SLTM: variants seen among roughly 807,000 people sequenced by gnomAD.
SLTM encodes SAFB like transcription modulator.
SLTM carries 43 observed loss-of-function variants against 134.6 expected under a neutral mutation model. The ratio of observed to expected loss-of-function variants is 0.32; its 90% CI spans 0.25 to 0.41. The LOEUF (loss-of-function observed/expected upper bound fraction) is 0.41. SLTM is among the 10% of genes least tolerant of loss of function. The pLI, the probability that SLTM is intolerant of heterozygous loss-of-function variation, is 1.00. For missense variants in SLTM, 1,055 were observed against 1,288.8 expected, an observed-to-expected ratio of 0.82 and a Z score of 2.78; for synonymous variants, 424 against 432.3, an observed-to-expected ratio of 0.98 and a Z score of 0.24.
rs2034562192 is a variant in SLTM at position 58,890,432 on chromosome 15, C to G, written c.1928G>C (p.Arg643Pro). Residue 643 changes from arginine to proline, a missense_variant, in exon 15 of 21, where the codon CGA (arginine) becomes CCA (proline). Around this residue, in one of 3 missense-constraint regions of SLTM, gnomAD observed 776 missense variants for 962.2 expected, o/e 0.81. Transcript: ENST00000380516. Reference sequence around the variant, plus strand: ...AATTATTCTAATGCGTTCTCGCTCTCGACGCTCTCTCTCTGCAATCTCTCT... The same window carrying G: ...AATTATTCTAATGCGTTCTCGCTCTGGACGCTCTCTCTCTGCAATCTCTCT... The part of the protein sequence containing the change: ...RRREIAERER[R>P]ERERIRIIRE... 6.2e-7 allele frequency: 1 copy of G among 1,613,864 alleles called. No homozygotes were observed. Among genetic ancestry groups the G allele is most frequent in the Non-Finnish European group, 8.5e-7 (1 of 1,179,972 alleles).
In SLTM at chr15:58,933,655, G is replaced by A. The variant is rs895807887; in HGVS notation, c.-90C>T. The A allele has an allele frequency of 3.6e-6, 5 of 1,372,018 alleles. No individual in the cohort carries two copies. The highest frequency in any genetic ancestry group is 4.7e-6 in the Non-Finnish European group (5 of 1,067,770). 85.0% of individuals were successfully genotyped at this position (1,372,018 alleles called of 1,614,324 possible). A position where few individuals can be genotyped will look rare whatever the true frequency, so the allele number is the denominator to read the frequency against. ...TTCCACCCAGGCCTCGGCGGCCGCC[G>A]GCGCCGCGCAGCGCTGCGCACAATG... On this transcript the variant is annotated 5_prime_UTR_variant, in exon 1 of 21. Transcript: ENST00000380516.
At position 58,880,009 on chromosome 15, in the gene SLTM, C is replaced by T. The variant is rs553604260; in HGVS notation, c.3095G>A (p.Arg1032Gln). Residue 1032 changes from arginine to glutamine, a missense_variant, in exon 21 of 21, where the codon CGA becomes CAA. By Grantham distance (43) the Arg-to-Gln change is conservative. Coordinates refer to ENST00000380516, the MANE Select transcript of SLTM (RefSeq NM_024755.4). ...GFKPFKGGPP[R>Q]RF ...GCAGAGAGCTCATTTTCAGAATCGTCGCGGAGGTCCACCCTTAAATGGCTT... is the reference window on the plus strand; with the variant it reads ...GCAGAGAGCTCATTTTCAGAATCGTTGCGGAGGTCCACCCTTAAATGGCTT... The T allele has an allele frequency of 1.4e-5, 22 of 1,613,708 alleles. No homozygotes were observed. The South Asian group carries it at 1.5e-4, about 11-fold the overall frequency.
intron 2 of SLTM, among the ~76,000 whole-genome samples, chr15:58,924,812 C>T (rs1240296730): frequency 6.6e-6 from 1 of 152,074 alleles, no homozygotes; most frequent in Non-Finnish European, 1.5e-5. Context: ...AAAAACAAAT[C>T]CCACTTAATA....
At chr15:58,912,420 T>C in intron 5 of SLTM, 143 bp downstream of exon 5, 1 of 776,318 alleles carries the variant, frequency 1.3e-6, no homozygotes, top group Non-Finnish European at 2.2e-6. Flanking sequence ...TAGTTTTAAG[T>C]ACTTTGTGTA....
chr15:58,916,181 T>C (rs1380732209), intron 3 of SLTM, among the ~76,000 whole-genome samples: 5 of 150,278 alleles, frequency 3.3e-5, no homozygotes, highest in Admixed American at 6.6e-5. Context: ...TCTCTCTCTT[T>C]TTTTTTTTTT....
intron 16 of SLTM, chr15:58,889,203 G>T: frequency 2.3e-6 from 1 of 439,142 alleles, no homozygotes; most frequent in African/African-American, 2.0e-5. Flanking sequence ...TGTATTTCCA[G>T]TCATAATGAA....
Position 58,913,673 on chromosome 15 carries a change from C to T in SLTM, c.339G>A (p.Glu113=). Reference sequence around the variant, plus strand: ...CATCATTTCCATCTTGCTCATGTGCCTCTTGATTCTCCAATTCACAGTCCT... The same window carrying T: ...CATCATTTCCATCTTGCTCATGTGCTTCTTGATTCTCCAATTCACAGTCCT... ...FIKDCELENQ[E]AHEQDGNDEL... Residue 113 remains glutamate (E), a synonymous_variant, in exon 4 of 21, where the codon GAG becomes GAA. Coordinates refer to ENST00000380516, the MANE Select transcript of SLTM (RefSeq NM_024755.4). 1 of 1,613,424 alleles carries T rather than the reference C, an allele frequency of 6.2e-7. No homozygotes were observed. Among genetic ancestry groups the T allele is most frequent in the Non-Finnish European group, 8.5e-7 (1 of 1,179,784 alleles).
intron 5 of SLTM, among the ~76,000 whole-genome samples, chr15:58,905,319 A>G (rs1483749452): frequency 6.6e-6 from 1 of 152,356 alleles, no homozygotes; most frequent in South Asian, 2.1e-4. Flanking sequence ...TTTCTTTCAC[A>G]TTCTCTTTTA....
intron 6 of SLTM, chr15:58,900,845 T>G (rs1262195995): frequency 5.8e-6 from 1 of 172,848 alleles, no homozygotes; most frequent in Non-Finnish European, 1.2e-5. Flanking sequence ...AAACACAAAG[T>G]CAGTCTCCTG....
intron 9 of SLTM, among the ~76,000 whole-genome samples, chr15:58,896,272 A>G (rs1341143462): frequency 6.6e-6 from 1 of 152,104 alleles, no homozygotes; most frequent in Non-Finnish European, 1.5e-5. Flanking sequence ...AGGTTTATAT[A>G]TTTAGGCGTG....
intron 9 of SLTM, among the ~76,000 whole-genome samples, chr15:58,895,231 TAGAG>T (rs1167324764): frequency 6.6e-6 from 1 of 152,232 alleles, no homozygotes; most frequent in Non-Finnish European, 1.5e-5. Flanking sequence ...TGAATGTCTT[TAGAG>T]AAAGTTTCTA....
Position 58,893,862 on chromosome 15 carries a change from G to A in SLTM, c.1607C>T (p.Thr536Ile), listed in dbSNP as rs748576106. 4.5e-5 allele frequency: 73 copies of A among 1,612,852 alleles called. 1 individual carries two copies. The Middle Eastern group carries it at 4.9e-4, about 11-fold the overall frequency. ...TTCACTTTTTTTAATCGATTCTGATGTTTGGCCACTTGCTCCATTATCATT... is the reference window on the plus strand; with the variant it reads ...TTCACTTTTTTTAATCGATTCTGATATTTGGCCACTTGCTCCATTATCATT... ...EKNDNGASGQ[T>I]SESIKKSEEK... is the part of the protein sequence containing the mutation. Residue 536 changes from threonine to isoleucine, a missense_variant, in exon 12 of 21, where the codon ACA becomes ATA. Thr to Ile is a moderately conservative substitution (Grantham distance 89, BLOSUM62 -1). Transcript: ENST00000380516.
At chr15:58,917,863 C>T (rs1454477857) in intron 2 of SLTM, among the ~76,000 whole-genome samples, 1 of 152,084 alleles carries the variant, frequency 6.6e-6, no homozygotes, top group East Asian at 1.9e-4. Context: ...GATTCTCCTA[C>T]CTCAGCCTCC....
intron 12 of SLTM, 32 bp from the exon 13 acceptor site, chr15:58,893,396 T>TA: frequency 6.7e-7 from 1 of 1,482,086 alleles, no homozygotes; most frequent in Non-Finnish European, 9.2e-7. Flanking sequence ...AAACAATGTC[T>TA]AAAATTTTTC....
At chr15:58,905,610 C>T (rs2035820183) in intron 5 of SLTM, among the ~76,000 whole-genome samples, 1 of 151,970 alleles carries the variant, frequency 6.6e-6, no homozygotes, top group South Asian at 2.1e-4. Context: ...CCCTTATCTA[C>T]CTCAGATGCG....
intron 2 of SLTM, among the ~76,000 whole-genome samples, chr15:58,924,712 G>A (rs748542682): frequency 6.6e-6 from 1 of 152,078 alleles, no homozygotes; most frequent in Non-Finnish European, 1.5e-5. Context: ...TCTTTATAAG[G>A]GTTTGCAATT....
At chr15:58,894,695 T>A in intron 9 of SLTM, 113 bp from the exon 10 acceptor site, 2 of 990,174 alleles carry the variant, frequency 2.0e-6, no homozygotes, top group Non-Finnish European at 3.0e-6. Flanking sequence ...TGTATCTTAT[T>A]CTGTCTCATG....
chr15:58,894,015 C>T, intron 11 of SLTM, 28 bp from the exon 12 acceptor site: 1 of 1,600,812 alleles, frequency 6.2e-7, no homozygotes, highest in Non-Finnish European at 8.5e-7. Flanking sequence ...GACAAAAAAA[C>T]AGAATGAGTA....
Position 58,887,641 on chromosome 15 carries a change from A to C in SLTM, c.2376-101T>G, listed in dbSNP as rs931951467. 5 of 1,494,828 alleles carry C rather than the reference A, an allele frequency of 3.3e-6. No homozygotes were observed. The East Asian group carries it at 1.1e-4, about 34-fold the overall frequency. 92.6% of individuals were successfully genotyped at this position (1,494,828 alleles called of 1,614,324 possible). ...ATAACCTACAATAATGAAACCAAAA[A>C]ATGAACTTAAGGCAAAGCCATGGAA... On this transcript the variant is annotated intron_variant, in intron 17 of 20. Transcript: ENST00000380516.
Sources: gnomAD v4.1 joint callset for allele counts (sites outside exome capture counted in the v4.1 genomes callset) on GRCh38, gnomAD v4.1.1 for gene constraint, gnomAD v4.1.1 regional missense constraint, MANE v1.5 for transcripts, NCBI Gene and HGNC (gene_info 2026-07-23, HGNC 2026-07-21) for gene names.